The following TENM2 variants were observed in gnomAD, a reference collection of about 807,000 sequenced individuals.
The protein encoded by TENM2 is teneurin transmembrane protein 2.
A neutral mutation model predicts 245.2 loss-of-function variants in TENM2; 52 were observed. That is an observed-to-expected ratio of 0.21 (90% CI 0.17 to 0.27). The LOEUF (loss-of-function observed/expected upper bound fraction) is 0.27, where lower values mean the gene tolerates loss of function less well. Ranked by LOEUF, TENM2 falls within the 10% of genes least tolerant of loss-of-function variation. The pLI is 1.00. For synonymous variants in TENM2, 1,363 were observed against 1,438.9 expected (o/e 0.95, Z 1.19); for missense variants, 3,046 against 3,666.8 (o/e 0.83, Z 4.37).
At chr5:167,969,161 T>C (rs1781588488) in intron 4 of TENM2, among the ~76,000 whole-genome samples, 1 of 152,188 alleles carries the variant, frequency 6.6e-6, no homozygotes, top group African/African-American at 2.4e-5. Context: ...AGGGTTTGGC[T>C]GTGTTGACAC....
At chr5:167,836,056 G>C (rs1044621962) in intron 2 of TENM2, among the ~76,000 whole-genome samples, 1 of 150,382 alleles carries the variant, frequency 6.6e-6, no homozygotes, top group Non-Finnish European at 1.5e-5. Context: ...TAAAACTGGT[G>C]GGGGAGAAGG....
chr5:167,168,771 G>A, the TENM2 span, among the ~76,000 whole-genome samples: 3 of 151,886 alleles, frequency 2.0e-5, no homozygotes, highest in African/African-American at 7.3e-5. Context: ...ATCAATTTAT[G>A]TTTTTTGAGA....
rs572008903 is a variant in TENM2, at chr5:168,181,226, A to T, written c.2570-9111A>T. Among the ~76,000 whole-genome samples the T allele has an allele frequency of 8.5e-5, 13 of 152,312 alleles. No homozygotes were observed. The South Asian group carries it at 2.7e-3, about 32-fold the overall frequency. ...TGGTTTAAAAGGTTTTGTTGATGGC[A>T]TTTGTTTTTGGTTTTTGTCCATTAG... On this transcript the variant is annotated intron_variant, in intron 13 of 28. Coordinates refer to ENST00000518659, the Ensembl canonical transcript of TENM2.
chr5:167,403,258 A>C (rs1762458223), intron 2 of TENM2, among the ~76,000 whole-genome samples: 1 of 152,036 alleles, frequency 6.6e-6, no homozygotes, highest in Non-Finnish European at 1.5e-5. Flanking sequence ...TTCTTTCTCA[A>C]AAATGCTTTT....
At chr5:168,172,675 G>T (rs1758952525) in intron 13 of TENM2, among the ~76,000 whole-genome samples, 1 of 152,152 alleles carries the variant, frequency 6.6e-6, no homozygotes, top group African/African-American at 2.4e-5. Context: ...CACGAATTTT[G>T]CAGCATGCTT....
the TENM2 span, among the ~76,000 whole-genome samples, chr5:167,229,671 T>C: frequency 6.6e-6 from 1 of 152,064 alleles, no homozygotes. Flanking sequence ...GGGCTCAGCA[T>C]CCCCATGTTC....
At chr5:167,115,842 A>T in the TENM2 span, among the ~76,000 whole-genome samples, 1 of 152,196 alleles carries the variant, frequency 6.6e-6, no homozygotes, top group East Asian at 1.9e-4. Context: ...AGTATAAAAT[A>T]GGGGTCAAGA....
chr5:167,497,724 A>G (rs1345134139), intron 2 of TENM2, among the ~76,000 whole-genome samples: 1 of 152,092 alleles, frequency 6.6e-6, no homozygotes, highest in Non-Finnish European at 1.5e-5. Context: ...TCACCCCAGA[A>G]GGAACTGCCC....
chr5:168,211,898 T>C, intron 20 of TENM2, 144 bp downstream of exon 22: 1 of 551,378 alleles, frequency 1.8e-6, no homozygotes, highest in Non-Finnish European at 3.2e-6. Flanking sequence ...TAATTGTGTG[T>C]TGTGGATATG....
chr5:167,858,661 C>T lies in TENM2; in HGVS notation c.503-17325C>T, dbSNP rs1426211208. 1.2e-4 allele frequency among the ~76,000 whole-genome samples: 18 copies of T among 151,466 alleles called. 1 individual carries two copies. Among genetic ancestry groups the T allele is most frequent in the Admixed American group, 1.2e-3 (18 of 15,192 alleles). On this transcript the variant is annotated intron_variant, in intron 2 of 28. Coordinates refer to ENST00000518659, the Ensembl canonical transcript of TENM2. ...GGCCCGGGGCAGTGCGGAGCCGGGA[C>T]AGTCGCGGCGCTGACGCCCGCGGGC...
the TENM2 span, among the ~76,000 whole-genome samples, chr5:167,107,479 AG>A: frequency 6.6e-6 from 1 of 152,206 alleles, no homozygotes; most frequent in African/African-American, 2.4e-5. Flanking sequence ...AAAGATTCAG[AG>A]GGTTATCATT....
At position 167,755,700 on chromosome 5, in the gene TENM2, G is replaced by T. The variant is rs187497188; in HGVS notation, c.503-120286G>T. Among the ~76,000 whole-genome samples the T allele has an allele frequency of 7.2e-4, 109 of 152,158 alleles. No homozygotes were observed. In the Middle Eastern group the frequency reaches 0.01, roughly 14 times the overall value. On this transcript the variant is annotated intron_variant, in intron 2 of 28. Coordinates refer to ENST00000518659, the Ensembl canonical transcript of TENM2. ...TGGTGTTAAGACATTTTTAAAATAGGCAAAAGGAAGACAGGGGAAATGATC... is the reference window on the plus strand; with the variant it reads ...TGGTGTTAAGACATTTTTAAAATAGTCAAAAGGAAGACAGGGGAAATGATC...
At chr5:167,830,947 C>T (rs1207794689) in intron 2 of TENM2, among the ~76,000 whole-genome samples, 1 of 152,096 alleles carries the variant, frequency 6.6e-6, no homozygotes, top group African/African-American at 2.4e-5. Flanking sequence ...ATAGAAAATG[C>T]TTGTGTTGTT....
chr5:168,146,558 G>T (rs530326947), intron 12 of TENM2, among the ~76,000 whole-genome samples: 1 of 152,200 alleles, frequency 6.6e-6, no homozygotes, highest in Non-Finnish European at 1.5e-5. Flanking sequence ...TAATTGATTT[G>T]GTGCATGTTT....
chr5:167,850,648 A>G (rs1176748417), intron 2 of TENM2, among the ~76,000 whole-genome samples: 1 of 152,162 alleles, frequency 6.6e-6, no homozygotes, highest in Non-Finnish European at 1.5e-5. Context: ...TAAATATGAA[A>G]CAGGAAACGC....
chr5:167,299,164 A>G, intron 1 of TENM2, among the ~76,000 whole-genome samples: 1 of 152,162 alleles, frequency 6.6e-6, no homozygotes, highest in East Asian at 1.9e-4. Flanking sequence ...TTTCCTGAAG[A>G]CTGAGGACTG....
the TENM2 span, among the ~76,000 whole-genome samples, chr5:167,073,794 CT>C: frequency 1.3e-5 from 2 of 152,172 alleles, no homozygotes; most frequent in Non-Finnish European, 2.9e-5. Context: ...CCCTCTTGAT[CT>C]GTTAAATGTT....
Position 167,893,390 on chromosome 5 carries a change from T to C in TENM2, c.712+17195T>C, listed in dbSNP as rs997987110. On this transcript the variant is annotated intron_variant, in intron 3 of 28. Coordinates refer to ENST00000518659, the Ensembl canonical transcript of TENM2. The stretch of plus-strand genomic sequence containing the variant: ...GAGCAGACTTTAACTTCCTATATTG[T>C]AGTAGAAAATTCCTCTCATAAAACA... 5.9e-5 allele frequency among the ~76,000 whole-genome samples: 9 copies of C among 152,250 alleles called. No homozygotes were observed. In the East Asian group the frequency reaches 1.7e-3, roughly 29 times the overall value.
the TENM2 span, among the ~76,000 whole-genome samples, chr5:167,054,753 T>C: frequency 6.6e-6 from 1 of 152,146 alleles, no homozygotes; most frequent in East Asian, 1.9e-4. Flanking sequence ...ATCCCATTGT[T>C]TTAATTTGCA....
Sources: allele counts gnomAD v4.1 joint callset (sites outside exome capture counted in the v4.1 genomes callset), GRCh38; gene constraint gnomAD v4.1.1; transcripts MANE v1.5; gene names NCBI Gene and HGNC (gene_info 2026-07-23, HGNC 2026-07-21).